The following PTPRD variants were observed in gnomAD, a reference collection of about 807,000 sequenced individuals.
PTPRD encodes receptor-type tyrosine-protein phosphatase delta.
Under a neutral mutation model 214.5 loss-of-function variants are expected in PTPRD, and 34 were observed. That is an observed-to-expected ratio of 0.16 (90% confidence interval 0.12 to 0.21). The LOEUF (loss-of-function observed/expected upper bound fraction) is 0.21, where lower values mean the gene tolerates loss of function less well. Ranked by LOEUF, PTPRD falls within the 10% of genes least tolerant of loss-of-function variation. PTPRD has a pLI of 1.00. For missense variants in PTPRD, 2,545 were observed against 2,398.7 expected (o/e 1.06, Z -1.27); for synonymous variants, 1,128 against 845.7 (o/e 1.33, Z -5.79).
intron 2 of PTPRD, among the ~76,000 whole-genome samples, chr9:10,476,188 C>T (rs1232719662): frequency 6.6e-6 from 1 of 152,120 alleles, no homozygotes; most frequent in Non-Finnish European, 1.5e-5. Flanking sequence ...AAGAGGAAGT[C>T]AAATTGTCTC....
At chr9:10,302,574 A>G (rs981220091) in intron 3 of PTPRD, among the ~76,000 whole-genome samples, 1 of 152,234 alleles carries the variant, frequency 6.6e-6, no homozygotes, top group African/African-American at 2.4e-5. Context: ...AGAAATATTT[A>G]CCAAGCAAAT....
chr9:9,564,117 T>A (rs1215553989), intron 8 of PTPRD, among the ~76,000 whole-genome samples: 1 of 152,124 alleles, frequency 6.6e-6, no homozygotes, highest in Non-Finnish European at 1.5e-5. Flanking sequence ...AAGAGTGTAT[T>A]TAATGAGTAT....
intron 14 of PTPRD, among the ~76,000 whole-genome samples, chr9:8,565,750 G>T (rs182460397): frequency 2.1e-4 from 32 of 152,228 alleles, no homozygotes; most frequent in African/African-American, 6.5e-4. Flanking sequence ...TCACCTTTCT[G>T]GCTAATTGTT....
chr9:10,126,977 C>G (rs1485927037), intron 3 of PTPRD, among the ~76,000 whole-genome samples: 1 of 140,700 alleles, frequency 7.1e-6, no homozygotes, highest in African/African-American at 3.0e-5. Context: ...AGAAACACTG[C>G]ACATGTGCTA....
intron 5 of PTPRD, among the ~76,000 whole-genome samples, chr9:9,933,934 C>A (rs2087951140): frequency 6.9e-6 from 1 of 145,100 alleles, no homozygotes; most frequent in Non-Finnish European, 1.5e-5. Context: ...TCACTCAAAG[C>A]TGCTCAACTA....
intron 3 of PTPRD, among the ~76,000 whole-genome samples, chr9:10,102,727 C>T (rs2098567482): frequency 6.6e-6 from 1 of 151,522 alleles, no homozygotes; most frequent in South Asian, 2.1e-4. Context: ...TATATGTCTT[C>T]AGTTTACCCA....
intron 10 of PTPRD, among the ~76,000 whole-genome samples, chr9:9,120,829 C>A (rs555515694): frequency 6.6e-6 from 1 of 152,142 alleles, no homozygotes; most frequent in Non-Finnish European, 1.5e-5. Flanking sequence ...TAGATTGTGA[C>A]AGCTAAGTCT....
chr9:8,542,776 C>T (rs1188690577), intron 14 of PTPRD, among the ~76,000 whole-genome samples: 1 of 152,204 alleles, frequency 6.6e-6, no homozygotes, highest in African/African-American at 2.4e-5. Flanking sequence ...AGGATGAAGG[C>T]AAGAAATGTC....
chr9:10,018,917 AT>A, intron 4 of PTPRD, among the ~76,000 whole-genome samples: 1 of 152,258 alleles, frequency 6.6e-6, no homozygotes, highest in Middle Eastern at 3.4e-3. Flanking sequence ...CTGCAAAAAT[AT>A]TTACAAATGG....
In PTPRD at chr9:10,222,843, C is replaced by G. The variant is rs767366163; in HGVS notation, c.-545+118120G>C. 5.3e-5 allele frequency among the ~76,000 whole-genome samples: 8 copies of G among 152,108 alleles called. No homozygotes were observed. The South Asian group carries it at 8.3e-4, about 16-fold the overall frequency. The stretch of plus-strand genomic sequence containing the variant: ...AGAAAGAAAAGGAAGGAAACTTACT[C>G]CATCCCACTAGATTCTTATTAACCA... On this transcript the variant is annotated intron_variant, in intron 3 of 45. Transcript: ENST00000381196.
intron 11 of PTPRD, among the ~76,000 whole-genome samples, chr9:8,885,632 G>T (rs2098481119): frequency 6.6e-6 from 1 of 151,646 alleles, no homozygotes; most frequent in Non-Finnish European, 1.5e-5. Flanking sequence ...TAGTAGCTGG[G>T]ATTATGGGTG....
chr9:9,109,281 T>C (rs970570751), intron 10 of PTPRD, among the ~76,000 whole-genome samples: 7 of 152,134 alleles, frequency 4.6e-5, no homozygotes, highest in Admixed American at 1.3e-4. Flanking sequence ...AAATGTAGCA[T>C]CTGTGCATTT....
intron 2 of PTPRD, among the ~76,000 whole-genome samples, chr9:10,388,646 G>A (rs1331708290): frequency 6.6e-6 from 1 of 151,812 alleles, no homozygotes; most frequent in Non-Finnish European, 1.5e-5. Context: ...GAAGGCAGAG[G>A]CTTTGGACTT....
intron 5 of PTPRD, among the ~76,000 whole-genome samples, chr9:9,831,654 A>G (rs1420451040): frequency 6.6e-6 from 1 of 152,016 alleles, no homozygotes. Flanking sequence ...CTGTATTATC[A>G]GATTCCAGCA....
chr9:8,365,562 T>G (rs907217114), intron 39 of PTPRD, among the ~76,000 whole-genome samples: 2 of 152,054 alleles, frequency 1.3e-5, no homozygotes, highest in Non-Finnish European at 2.9e-5. Context: ...CTGATGAGCA[T>G]GGAGAGCAGA....
chr9:10,357,794 A>T (rs2097305360), intron 2 of PTPRD, among the ~76,000 whole-genome samples: 1 of 152,218 alleles, frequency 6.6e-6, no homozygotes, highest in Non-Finnish European at 1.5e-5. Context: ...AAGTATATGC[A>T]ATGATGTGAA....
intron 30 of PTPRD, among the ~76,000 whole-genome samples, chr9:8,481,238 T>G (rs2096879075): frequency 6.6e-6 from 1 of 152,078 alleles, no homozygotes; most frequent in East Asian, 1.9e-4. Flanking sequence ...AGAAATTCTT[T>G]TCACTGAATT....
chr9:8,893,342 G>T (rs887198823), intron 11 of PTPRD, among the ~76,000 whole-genome samples: 15 of 152,122 alleles, frequency 9.9e-5, no homozygotes, highest in African/African-American at 3.6e-4. Context: ...AATCTGTGTT[G>T]CCACCTGCAA....
At chr9:8,969,661 G>C (rs1169018884) in intron 11 of PTPRD, among the ~76,000 whole-genome samples, 1 of 151,886 alleles carries the variant, frequency 6.6e-6, no homozygotes, top group Admixed American at 6.6e-5. Flanking sequence ...GGAGAGAAAT[G>C]GGAATGGGGA....
Sources: allele counts gnomAD v4.1 joint callset (sites outside exome capture counted in the v4.1 genomes callset), GRCh38; gene constraint gnomAD v4.1.1; transcripts MANE v1.5; gene names NCBI Gene and HGNC (gene_info 2026-07-23, HGNC 2026-07-21).